The following VIPR2 variants were observed in gnomAD, a reference collection of about 807,000 sequenced individuals.
The protein encoded by VIPR2 is vasoactive intestinal peptide receptor 2.
A neutral mutation model predicts 58.0 loss-of-function variants in VIPR2; 48 were observed. That is an observed-to-expected ratio of 0.83 (90% CI 0.66 to 1.05). The LOEUF (loss-of-function observed/expected upper bound fraction) is 1.05. VIPR2 is among the 50% of genes least tolerant of loss of function. VIPR2 has a pLI of 0.00. For synonymous variants in VIPR2, 243 were observed against 235.2 expected, an observed-to-expected ratio of 1.03 and a Z score of -0.30; for missense variants, 534 against 558.0, an observed-to-expected ratio of 0.96 and a Z score of 0.43.
rs1853814455 is a variant in VIPR2, at chr7:159,034,657, G to A, written c.810-7C>T. ...GTCGTTTGTATCCCAGCAACTGTCAGAGAGAGATGGGAAATCAGGTTACCA... is the reference window on the plus strand; with the variant it reads ...GTCGTTTGTATCCCAGCAACTGTCAAAGAGAGATGGGAAATCAGGTTACCA... On this transcript the variant is annotated splice_polypyrimidine_tract_variant and splice_region_variant and intron_variant, in intron 8 of 12. Transcript: ENST00000262178. 1 of 1,612,772 alleles carries A rather than the reference G, an allele frequency of 6.2e-7. No homozygotes were observed. Among genetic ancestry groups the A allele is most frequent in the Non-Finnish European group, 8.5e-7 (1 of 1,178,972 alleles).
intron 4 of VIPR2, among the ~76,000 whole-genome samples, chr7:159,102,392 C>G (rs764819910): frequency 6.6e-6 from 1 of 152,208 alleles, no homozygotes; most frequent in Admixed American, 6.5e-5. Flanking sequence ...CTCAGCCACA[C>G]GGAACTGTGA....
chr7:159,112,118 T>A (rs546827117), intron 2 of VIPR2, among the ~76,000 whole-genome samples: 2 of 152,278 alleles, frequency 1.3e-5, no homozygotes, highest in Non-Finnish European at 2.9e-5. Flanking sequence ...GCTTTAAATT[T>A]CAACAGAGAT....
chr7:159,144,380 C>A (rs149110911), intron 1 of VIPR2: 9 of 1,543,484 alleles, frequency 5.8e-6, no homozygotes, highest in African/African-American at 1.4e-5. Context: ...CCCGCGCAGG[C>A]GCCCGCAGCT....
chr7:159,138,570 T>C (rs1797322721), intron 2 of VIPR2, among the ~76,000 whole-genome samples: 1 of 152,216 alleles, frequency 6.6e-6, no homozygotes, highest in Non-Finnish European at 1.5e-5. Context: ...CTATAGCAGC[T>C]CTTAAAGAGA....
intron 4 of VIPR2, among the ~76,000 whole-genome samples, chr7:159,079,532 T>C (rs1016215768): frequency 6.6e-6 from 1 of 152,048 alleles, no homozygotes; most frequent in Admixed American, 6.5e-5. Context: ...AGATCTAAAA[T>C]TGACACCCTA....
intron 4 of VIPR2, among the ~76,000 whole-genome samples, chr7:159,061,489 A>AC (rs1855649067): frequency 6.6e-6 from 1 of 152,064 alleles, no homozygotes; most frequent in South Asian, 2.1e-4. Context: ...CTCCATAAAA[A>AC]AAATGGAAAA....
At chr7:159,101,388 C>T (rs547308326) in intron 4 of VIPR2, among the ~76,000 whole-genome samples, 11 of 136,480 alleles carry the variant, frequency 8.1e-5, no homozygotes, top group South Asian at 5.2e-4. Flanking sequence ...GAGGCGGTTC[C>T]GACCGTTCCT....
At chr7:159,080,152 G>C (rs571727549) in intron 4 of VIPR2, among the ~76,000 whole-genome samples, 1 of 152,276 alleles carries the variant, frequency 6.6e-6, no homozygotes, top group South Asian at 2.1e-4. Context: ...AAGCCTGGCA[G>C]AGACACAACA....
chr7:159,142,993 T>C (rs1427375409), intron 1 of VIPR2, among the ~76,000 whole-genome samples: 2 of 152,190 alleles, frequency 1.3e-5, no homozygotes, highest in Admixed American at 6.5e-5. Flanking sequence ...TGTTGGTACA[T>C]GTTCAAAGCT....
At chr7:159,062,557 C>T (rs914009693) in intron 4 of VIPR2, among the ~76,000 whole-genome samples, 9 of 151,950 alleles carry the variant, frequency 5.9e-5, no homozygotes, top group African/African-American at 2.2e-4. Flanking sequence ...CCCAGAGTTA[C>T]TTATTCCTCC....
chr7:159,134,817 C>T (rs1484250082), intron 2 of VIPR2, among the ~76,000 whole-genome samples: 11 of 151,678 alleles, frequency 7.3e-5, no homozygotes. Flanking sequence ...GCCACCACGC[C>T]CGGCTAATTT....
chr7:159,039,181 G>A (rs865889115), intron 6 of VIPR2, among the ~76,000 whole-genome samples: 14 of 152,306 alleles, frequency 9.2e-5, no homozygotes, highest in Middle Eastern at 3.4e-3. Context: ...ACATGCAGCC[G>A]GGTGCAGTGG....
intron 2 of VIPR2, among the ~76,000 whole-genome samples, chr7:159,134,548 G>A (rs1182798976): frequency 1.3e-5 from 2 of 152,134 alleles, no homozygotes; most frequent in Non-Finnish European, 2.9e-5. Context: ...GAAATTTTAT[G>A]TGTGGTCAAA....
chr7:159,036,658 G>C, intron 7 of VIPR2, 94 bp downstream of exon 7: 1 of 1,445,380 alleles, frequency 6.9e-7, no homozygotes, highest in Non-Finnish European at 9.3e-7. Flanking sequence ...CATTCTACGG[G>C]GGCGGCAAAG....
intron 2 of VIPR2, among the ~76,000 whole-genome samples, chr7:159,133,032 C>CGATTGATTTCAGACAG (rs1563355768): frequency 9.7e-6 from 1 of 103,554 alleles, no homozygotes; most frequent in Non-Finnish European, 1.9e-5. Flanking sequence ...AGAATGATTC[C>CGATTGATTTCAGACAG]AAAAATGCAG....
chr7:159,034,412 T>A (rs539928644), intron 9 of VIPR2, 108 bp from the exon 10 acceptor site: 10 of 1,337,312 alleles, frequency 7.5e-6, no homozygotes, highest in African/African-American at 7.2e-5. Context: ...CCTCCCTCCT[T>A]CCCTGGGAAC....
At chr7:159,121,104 C>T (rs1796436896) in intron 2 of VIPR2, among the ~76,000 whole-genome samples, 1 of 152,144 alleles carries the variant, frequency 6.6e-6, no homozygotes, top group Non-Finnish European at 1.5e-5. Flanking sequence ...CCCTCCCATG[C>T]CCAGGGCGTG....
At chr7:159,050,365 A>C (rs13310882) in intron 5 of VIPR2, among the ~76,000 whole-genome samples, 407 of 140,796 alleles carry the variant, frequency 2.9e-3, no homozygotes, top group African/African-American at 6.1e-3. Context: ...AAAAAAAAAA[A>C]CAAAAAAAAA....
chr7:159,036,924 G>A (rs1471509444), intron 6 of VIPR2, 22 bp from the exon 7 acceptor site: 2 of 1,605,310 alleles, frequency 1.2e-6, no homozygotes, highest in African/African-American at 1.3e-5. Context: ...AAACAGAGGA[G>A]AGGAAAGCAT....
Sources: allele counts gnomAD v4.1 joint callset (sites outside exome capture counted in the v4.1 genomes callset), GRCh38; gene constraint gnomAD v4.1.1; transcripts MANE v1.5; gene names NCBI Gene and HGNC (gene_info 2026-07-23, HGNC 2026-07-21).